Variants in RYR2 observed in about 807,000 individuals in gnomAD.
RYR2 encodes the protein ryanodine receptor 2, also known as cardiac muscle ryanodine receptor-calcium release channel.
In RYR2, 227 loss-of-function variants were observed where a neutral mutation model predicts 601.1. The observed-to-expected ratio is 0.38, with a 90% CI of 0.34 to 0.42. The LOEUF is 0.42. RYR2 is among the 10% of genes least tolerant of loss of function. The pLI is 1.00. For missense variants in RYR2, 4,646 were observed against 6,156.5 expected (o/e 0.75, Z 8.21); for synonymous variants, 2,223 against 2,175.1 (o/e 1.02, Z -0.61).
At chr1:237,687,737 G>C (rs1382527112) in intron 63 of RYR2, among the ~76,000 whole-genome samples, 1 of 152,150 alleles carries the variant, frequency 6.6e-6, no homozygotes, top group Non-Finnish European at 1.5e-5. Context: ...AAAGTAAAAA[G>C]ACTATTATTA....
At chr1:237,142,689 G>A (rs985692589) in intron 1 of RYR2, among the ~76,000 whole-genome samples, 3 of 152,132 alleles carry the variant, frequency 2.0e-5, no homozygotes. Context: ...CTTTGATCTC[G>A]TCCGCACTGT....
chr1:237,737,518 G>A (rs368431237), intron 79 of RYR2, among the ~76,000 whole-genome samples: 3 of 152,160 alleles, frequency 2.0e-5, no homozygotes, highest in African/African-American at 7.2e-5. Flanking sequence ...TAAATTTTCA[G>A]CCAGGTCATG....
At chr1:237,451,615 A>G (rs1658134080) in intron 14 of RYR2, among the ~76,000 whole-genome samples, 1 of 151,158 alleles carries the variant, frequency 6.6e-6, no homozygotes, top group Non-Finnish European at 1.5e-5. Context: ...TCCTGAATTT[A>G]TATAATTTTT....
intron 63 of RYR2, among the ~76,000 whole-genome samples, chr1:237,688,425 T>TAC (rs984354679): frequency 2.6e-5 from 4 of 151,316 alleles, no homozygotes; most frequent in South Asian, 2.1e-4. Context: ...TATATATATA[T>TAC]ACACACACAC....
At chr1:237,820,446 A>G (rs1662351803) in intron 101 of RYR2, among the ~76,000 whole-genome samples, 1 of 152,080 alleles carries the variant, frequency 6.6e-6, no homozygotes, top group African/African-American at 2.4e-5. Flanking sequence ...CCCCTAGCCA[A>G]GGGAAACTGT....
Position 237,628,001 on chromosome 1 carries a change from G to T in RYR2, c.6361G>T (p.Ala2121Ser). Residue 2121 changes from alanine (A) to serine (S), a missense_variant, in exon 41 of 105, where the codon GCA becomes TCA. By Grantham distance (99) the Ala-to-Ser change is moderately conservative. Coordinates refer to ENST00000366574, the MANE Select transcript of RYR2 (RefSeq NM_001035.3). Reference protein sequence around the residue: ...VSVEDTINLLASLGQIRSLLS... With the variant: ...VSVEDTINLLSSLGQIRSLLS... ...CGTGGAGGACACCATCAACCTGCTG[G>T]CATCCCTTGGTCAGATTCGGTCCCT... is the stretch of plus-strand genomic sequence containing the variant. 1 of 1,613,932 alleles carries T rather than the reference G, an allele frequency of 6.2e-7. No homozygotes were observed. Among genetic ancestry groups the T allele is most frequent in the Non-Finnish European group, 8.5e-7 (1 of 1,179,880 alleles).
At chr1:237,665,185 G>A (rs536141079) in intron 56 of RYR2, among the ~76,000 whole-genome samples, 2 of 152,196 alleles carry the variant, frequency 1.3e-5, no homozygotes, top group Non-Finnish European at 2.9e-5. Context: ...TGGATCACAA[G>A]GTCAGGAGTT....
chr1:237,264,091 G>GCGCACACA (rs1553370915), intron 1 of RYR2, among the ~76,000 whole-genome samples: 2 of 147,412 alleles, frequency 1.4e-5, no homozygotes, highest in African/African-American at 2.5e-5. Flanking sequence ...ACATGCACAT[G>GCGCACACA]CACACACACA....
rs1559130398 is a variant in RYR2 at position 237,623,792 on chromosome 1, GACAAAA to G, written c.5945_5950del (p.Asp1982_Ser1984delinsGly). The stretch of plus-strand genomic sequence containing the variant: ...CAATATGCTTCTCAATTTTAAGGAT[GACAAAA>G]GTGAATGTCCATGTCCAGAAGAAAT... On this transcript the variant is annotated inframe_deletion, in exon 39 of 105. Coordinates refer to ENST00000366574, the MANE Select transcript of RYR2 (RefSeq NM_001035.3). 1 of 1,612,130 alleles carries G rather than the reference GACAAAA, an allele frequency of 6.2e-7. No individual in the cohort carries two copies. Among genetic ancestry groups the G allele is most frequent in the African/African-American group, 1.3e-5 (1 of 74,990 alleles).
rs73125496 is a variant in RYR2, at chr1:237,307,254, A to G, written c.169-23624A>G. On this transcript the variant is annotated intron_variant, in intron 2 of 104. Transcript: ENST00000366574. ...TCATGAGGAAGAATCTAAACTTTAGAGAGTGTAGGTGATTTACTCCAGATC... is the reference window on the plus strand; with the variant it reads ...TCATGAGGAAGAATCTAAACTTTAGGGAGTGTAGGTGATTTACTCCAGATC... 8.3e-3 allele frequency among the ~76,000 whole-genome samples: 1,260 copies of G among 152,286 alleles called. 16 individuals carry two copies. Among genetic ancestry groups the G allele is most frequent in the African/African-American group, 0.028 (1,177 of 41,558 alleles).
intron 101 of RYR2, among the ~76,000 whole-genome samples, chr1:237,820,453 CTG>C (rs1197872939): frequency 6.6e-6 from 1 of 152,126 alleles, no homozygotes; most frequent in African/African-American, 2.4e-5. Context: ...CCAAGGGAAA[CTG>C]TGAGAGACTG....
intron 4 of RYR2, among the ~76,000 whole-genome samples, chr1:237,358,126 G>T (rs967061887): frequency 6.6e-6 from 1 of 152,046 alleles, no homozygotes; most frequent in Admixed American, 6.6e-5. Context: ...TGTGGGGCTG[G>T]TACTTCTCTG....
chr1:237,596,395 A>G (rs888212099), intron 34 of RYR2, among the ~76,000 whole-genome samples: 5 of 152,242 alleles, frequency 3.3e-5, no homozygotes, highest in African/African-American at 7.2e-5. Context: ...CAAGAATTCA[A>G]TAAATGAAAT....
chr1:237,260,314 AT>A (rs1299885223), intron 1 of RYR2, among the ~76,000 whole-genome samples: 1 of 152,196 alleles, frequency 6.6e-6, no homozygotes, highest in East Asian at 1.9e-4. Context: ...GTTCTGACCC[AT>A]AGGATGTAGG....
intron 1 of RYR2, among the ~76,000 whole-genome samples, chr1:237,143,806 A>G (rs1219480191): frequency 2.0e-5 from 3 of 152,186 alleles, no homozygotes; most frequent in Non-Finnish European, 4.4e-5. Context: ...CAAAAACCAA[A>G]ATCTCCCAAC....
chr1:237,766,089 G>T (rs549615875), intron 84 of RYR2, among the ~76,000 whole-genome samples: 36 of 152,156 alleles, frequency 2.4e-4, no homozygotes, highest in African/African-American at 7.5e-4. Context: ...TACCAAACAC[G>T]GCAGAGAATG....
intron 1 of RYR2, among the ~76,000 whole-genome samples, chr1:237,195,009 G>T (rs1466478702): frequency 6.6e-6 from 1 of 152,132 alleles, no homozygotes; most frequent in African/African-American, 2.4e-5. Context: ...ATCACTAAAT[G>T]TTTATTCACT....
intron 1 of RYR2, among the ~76,000 whole-genome samples, chr1:237,262,934 CTATT>C (rs1287945460): frequency 1.3e-5 from 2 of 151,462 alleles, no homozygotes; most frequent in African/African-American, 2.4e-5. Context: ...GTTATTAAGA[CTATT>C]TATTGAGTTT....
At position 237,698,945 on chromosome 1, in the gene RYR2, G is replaced by C; in HGVS notation, c.9068-20G>C. 6.8e-7 allele frequency: 1 copy of C among 1,481,376 alleles called. No individual in the cohort carries two copies. The highest frequency in any genetic ancestry group is 2.4e-5 in the East Asian group (1 of 40,916). 91.8% of individuals were successfully genotyped at this position (1,481,376 alleles called of 1,614,324 possible). A position where few individuals can be genotyped will look rare whatever the true frequency, so the allele number is the denominator to read the frequency against. Reference sequence around the variant, plus strand: ...AGAAATTCTCAGGGCAATTTATACAGCATTTTGTTTCCTCTTTAGGCAATG... The same window carrying C: ...AGAAATTCTCAGGGCAATTTATACACCATTTTGTTTCCTCTTTAGGCAATG... On this transcript the variant is annotated intron_variant, in intron 63 of 104. Coordinates refer to ENST00000366574, the MANE Select transcript of RYR2 (RefSeq NM_001035.3).
Sources: gnomAD v4.1 joint callset for allele counts (sites outside exome capture counted in the v4.1 genomes callset) on GRCh38, gnomAD v4.1.1 for gene constraint, MANE v1.5 for transcripts, NCBI Gene and HGNC (gene_info 2026-07-23, HGNC 2026-07-21) for gene names.